The following GLRA3 variants were observed in gnomAD, a reference collection of about 807,000 sequenced individuals.
GLRA3 encodes glycine receptor subunit alpha-3.
In GLRA3, 44 loss-of-function variants were observed where a neutral mutation model predicts 60.4. The observed-to-expected ratio is 0.73, with a 90% CI of 0.57 to 0.94. GLRA3 has a LOEUF of 0.94. GLRA3 is among the 40% of genes least tolerant of loss of function. The pLI, the probability that GLRA3 is intolerant of heterozygous loss-of-function variation, is 0.00. For missense variants in GLRA3, 508 were observed against 564.6 expected (o/e 0.90, Z 1.02); for synonymous variants, 223 against 192.9 (o/e 1.16, Z -1.29).
intron 7 of GLRA3, among the ~76,000 whole-genome samples, chr4:174,662,672 A>C (rs1733497188): frequency 6.6e-6 from 1 of 152,114 alleles, no homozygotes; most frequent in African/African-American, 2.4e-5. Context: ...AGGAGTGGTA[A>C]ATAAAGTAAG....
chr4:174,667,918 C>T (rs1733742649), intron 7 of GLRA3, among the ~76,000 whole-genome samples: 1 of 152,010 alleles, frequency 6.6e-6, no homozygotes, highest in Non-Finnish European at 1.5e-5. Context: ...CCCAAAACTC[C>T]TGTTGAATTG....
At chr4:174,662,330 A>G (rs1051944100) in intron 7 of GLRA3, among the ~76,000 whole-genome samples, 4 of 152,204 alleles carry the variant, frequency 2.6e-5, no homozygotes, top group African/African-American at 9.6e-5. Context: ...GAAATGGACA[A>G]TTAGCTACAA....
At chr4:174,656,164 T>G (rs1035084372) in intron 9 of GLRA3, among the ~76,000 whole-genome samples, 1 of 152,132 alleles carries the variant, frequency 6.6e-6, no homozygotes, top group African/African-American at 2.4e-5. Context: ...TTAGTCATTA[T>G]ACTTGGACAT....
At chr4:174,712,911 A>ATATATATACACACATATG (rs1735771249) in intron 5 of GLRA3, 1 of 109,826 alleles carries the variant, frequency 9.1e-6, no homozygotes, top group African/African-American at 3.5e-5. Flanking sequence ...ACATATATGC[A>ATATATATACACACATATG]TATATATACA....
chr4:174,647,668 T>C (rs190753818), intron 9 of GLRA3, among the ~76,000 whole-genome samples: 152 of 152,290 alleles, frequency 1.0e-3, no homozygotes, highest in Middle Eastern at 6.8e-3. Context: ...TTTTAATTTT[T>C]ACATTAACTA....
At chr4:174,794,122 C>T (rs1368758268) in intron 1 of GLRA3, among the ~76,000 whole-genome samples, 1 of 151,534 alleles carries the variant, frequency 6.6e-6, no homozygotes, top group Non-Finnish European at 1.5e-5. Flanking sequence ...TACAATTGAA[C>T]ATTAATCTTA....
intron 1 of GLRA3, among the ~76,000 whole-genome samples, chr4:174,790,168 G>C (rs1051679555): frequency 6.6e-6 from 1 of 152,134 alleles, no homozygotes; most frequent in Non-Finnish European, 1.5e-5. Flanking sequence ...TAGAGGTTCT[G>C]TCTGGTTCTG....
At chr4:174,739,083 C>A in intron 3 of GLRA3, among the ~76,000 whole-genome samples, 1 of 152,176 alleles carries the variant, frequency 6.6e-6, no homozygotes, top group Non-Finnish European at 1.5e-5. Flanking sequence ...TTTGTATAAA[C>A]CACAAAGTTT....
chr4:174,813,006 G>T (rs1021398975), intron 1 of GLRA3, among the ~76,000 whole-genome samples: 3 of 152,088 alleles, frequency 2.0e-5, no homozygotes, highest in Non-Finnish European at 2.9e-5. Flanking sequence ...AAAACCCCTA[G>T]AGACTGTGCT....
At chr4:174,760,517 T>C (rs1737896618) in intron 3 of GLRA3, among the ~76,000 whole-genome samples, 1 of 142,346 alleles carries the variant, frequency 7.0e-6, no homozygotes. Flanking sequence ...TAGAAGGTAA[T>C]ACACAATGAT....
intron 4 of GLRA3, among the ~76,000 whole-genome samples, chr4:174,721,119 C>T (rs1371953158): frequency 6.6e-6 from 1 of 151,936 alleles, no homozygotes; most frequent in Non-Finnish European, 1.5e-5. Flanking sequence ...ACCTCCACCT[C>T]CCTGGTTCAA....
At chr4:174,655,446 T>C (rs887033927) in intron 9 of GLRA3, among the ~76,000 whole-genome samples, 4 of 152,158 alleles carry the variant, frequency 2.6e-5, no homozygotes, top group Non-Finnish European at 5.9e-5. Flanking sequence ...ATGTATTGAC[T>C]TCCCATAAGA....
intron 5 of GLRA3, among the ~76,000 whole-genome samples, chr4:174,701,455 T>C (rs186456849): frequency 2.4e-4 from 37 of 152,250 alleles, no homozygotes; most frequent in Admixed American, 4.6e-4. Context: ...TACAGGGAGA[T>C]TGTTGTTTTC....
Position 174,692,569 on chromosome 4 carries a change from G to A in GLRA3, c.575-9630C>T, listed in dbSNP as rs530359756. Among the ~76,000 whole-genome samples the A allele has an allele frequency of 6.4e-3, 953 of 149,122 alleles. 10 individuals are homozygous for A. Among genetic ancestry groups the A allele is most frequent in the African/African-American group, 0.022 (908 of 40,636 alleles). ...TCTGTGTAGAAAGAGGTAGACATGGGAGACCTTTCATTTTGTTCTGTACTA... is the reference window on the plus strand; with the variant it reads ...TCTGTGTAGAAAGAGGTAGACATGGAAGACCTTTCATTTTGTTCTGTACTA... On this transcript the variant is annotated intron_variant, in intron 5 of 9. Coordinates refer to ENST00000274093, the MANE Select transcript of GLRA3 (RefSeq NM_006529.4).
chr4:174,680,428 T>C (rs962303018), intron 6 of GLRA3, among the ~76,000 whole-genome samples: 7 of 152,280 alleles, frequency 4.6e-5, no homozygotes, highest in African/African-American at 1.7e-4. Context: ...TTTCAGATGG[T>C]GAAAGCAGAA....
chr4:174,786,852 T>G (rs1739148376), intron 2 of GLRA3, among the ~76,000 whole-genome samples: 1 of 152,156 alleles, frequency 6.6e-6, no homozygotes, highest in African/African-American at 2.4e-5. Context: ...AGAGAAAATC[T>G]TCCTTTTTCT....
intron 3 of GLRA3, among the ~76,000 whole-genome samples, chr4:174,732,559 A>G (rs1736594366): frequency 6.6e-6 from 1 of 152,086 alleles, no homozygotes; most frequent in Non-Finnish European, 1.5e-5. Flanking sequence ...CCTGGAACCA[A>G]TTCAAATATC....
intron 4 of GLRA3, among the ~76,000 whole-genome samples, chr4:174,725,989 A>G: frequency 6.6e-6 from 1 of 152,182 alleles, no homozygotes. Flanking sequence ...TAGGCAAGGG[A>G]AGGTGTTATC....
intron 3 of GLRA3, among the ~76,000 whole-genome samples, chr4:174,763,155 G>A (rs1738000640): frequency 1.3e-5 from 2 of 152,090 alleles, no homozygotes; most frequent in African/African-American, 4.8e-5. Flanking sequence ...TGGGAGTTAA[G>A]GACCATGGGG....
Sources: allele counts gnomAD v4.1 joint callset (sites outside exome capture counted in the v4.1 genomes callset), GRCh38; gene constraint gnomAD v4.1.1; transcripts MANE v1.5; gene names NCBI Gene and HGNC (gene_info 2026-07-23, HGNC 2026-07-21).